SPATA31E1: variants seen among roughly 807,000 people sequenced by gnomAD.
SPATA31E1 encodes spermatogenesis-associated protein 31E1.
In SPATA31E1, 7 loss-of-function variants were observed where a neutral mutation model predicts 12.9. The observed-to-expected ratio is 0.54, with a 90% CI of 0.31 to 1.02. SPATA31E1 has a LOEUF of 1.02. SPATA31E1 is among the 50% of genes least tolerant of loss of function. The pLI is 0.05. For synonymous variants in SPATA31E1, 771 were observed against 719.0 expected (o/e 1.07, Z -1.16); for missense variants, 1,961 against 1,799.8 (o/e 1.09, Z -1.62).
At position 87,887,792 on chromosome 9, in the gene SPATA31E1, T is replaced by C; in HGVS notation, c.3305T>C (p.Leu1102Pro). 6.2e-7 allele frequency: 1 copy of C among 1,613,922 alleles called. No homozygotes were observed. The highest frequency in any genetic ancestry group is 8.5e-7 in the Non-Finnish European group (1 of 1,179,996). ...GCGCAGGTGGTCAGTGAGATTGCGC[T>C]CATAGTGCAGGTGGACTCAGAGGAG... ...LKAQVVSEIA[L>P]IVQVDSEEQL... Residue 1102 changes from leucine (L) to proline (P), a missense_variant, in exon 4 of 4, where the codon CTC (leucine) becomes CCC (proline). Leu to Pro is a moderately conservative substitution (Grantham distance 98). Coordinates refer to ENST00000325643, the MANE Select transcript of SPATA31E1 (RefSeq NM_178828.5).
chr9:87,888,547 A>G lies in SPATA31E1; in HGVS notation c.4060A>G (p.Asn1354Asp), dbSNP rs776928396. ...RHKGDFRAQE[N>D]VPSCCHRGHC... ...CAAAGGTGACTTCCGCGCCCAGGAGAATGTGCCTTCCTGCTGCCACAGGGG... is the reference window on the plus strand; with the variant it reads ...CAAAGGTGACTTCCGCGCCCAGGAGGATGTGCCTTCCTGCTGCCACAGGGG... Residue 1354 changes from asparagine to aspartate, a missense_variant, in exon 4 of 4, where the codon AAT (asparagine) becomes GAT (aspartate). Asn to Asp is a conservative substitution (Grantham distance 23, BLOSUM62 1). Coordinates refer to ENST00000325643, the MANE Select transcript of SPATA31E1 (RefSeq NM_178828.5). 2 of 1,614,016 alleles carry G rather than the reference A, an allele frequency of 1.2e-6. No homozygotes were observed. Among genetic ancestry groups the G allele is most frequent in the Non-Finnish European group, 1.7e-6 (2 of 1,180,028 alleles).
At position 87,885,328 on chromosome 9, in the gene SPATA31E1, C is replaced by T. The variant is rs773343078; in HGVS notation, c.841C>T (p.Leu281=). 1.4e-5 allele frequency: 22 copies of T among 1,613,846 alleles called. No homozygotes were observed. The highest frequency in any genetic ancestry group is 1.7e-5 in the Non-Finnish European group (20 of 1,179,906). ...ATGCCCCGTCCCCCAGAGCTCCCCT[C>T]TACACAACCAGGTGCTGCCTCCTCC... ...TTCPVPQSSP[L]HNQVLPPPTR... is the part of the protein sequence containing the mutation. The change falls in exon 4 of 4, where the codon CTA becomes TTA. Residue 281 remains leucine (L), a synonymous_variant. Transcript: ENST00000325643.
rs138857078 is a variant in SPATA31E1 at position 87,888,648 on chromosome 9, C to G, written c.4161C>G (p.His1387Gln). The change falls in exon 4 of 4, where the codon CAC becomes CAG. Residue 1387 changes from histidine to glutamine, a missense_variant. Coordinates refer to ENST00000325643, the MANE Select transcript of SPATA31E1 (RefSeq NM_178828.5). ...CSPKATPKGH[H>Q]CPVKNRGIRD... Reference sequence around the variant, plus strand: ...CTAAAGCCACCCCCAAGGGCCACCACTGTCCTGTCAAAAACAGGGGCATCA... The same window carrying G: ...CTAAAGCCACCCCCAAGGGCCACCAGTGTCCTGTCAAAAACAGGGGCATCA... 183 of 1,614,152 alleles carry G rather than the reference C, an allele frequency of 1.1e-4. No individual in the cohort carries two copies. The highest frequency in any genetic ancestry group is 1.5e-4 in the Non-Finnish European group (175 of 1,180,034).
At position 87,887,264 on chromosome 9, in the gene SPATA31E1, A is replaced by AGCAGGAGGGAGTCCAGAGGCCAG. The variant is rs781119549; in HGVS notation, c.2798_2799insAGGCAGGAGGGAGTCCAGAGGCC (p.Pro934GlyfsTer61). On this transcript the variant is annotated frameshift_variant, in exon 4 of 4. Coordinates refer to ENST00000325643, the MANE Select transcript of SPATA31E1 (RefSeq NM_178828.5). LOFTEE classifies it low-confidence loss of function (END_TRUNC). ...GGCCCTCTCGCTGCCCCACCGCCTG[A>AGCAGGAGGGAGTCCAGAGGCCAG]GCAGGAGGGAGTCCAGAGGCCCCCG... 27 of 1,613,922 alleles carry AGCAGGAGGGAGTCCAGAGGCCAG rather than the reference A, an allele frequency of 1.7e-5. No homozygotes were observed. The South Asian group carries it at 2.5e-4, about 15-fold the overall frequency.
At position 87,885,266 on chromosome 9, in the gene SPATA31E1, A is replaced by T. The variant is rs1370641443; in HGVS notation, c.779A>T (p.Asp260Val). 6 of 1,612,844 alleles carry T rather than the reference A, an allele frequency of 3.7e-6. No homozygotes were observed. The highest frequency in any genetic ancestry group is 5.1e-6 in the Non-Finnish European group (6 of 1,179,738). ...GPLASSPPPP[D>V]SSLAGLQCGS... Reference sequence around the variant, plus strand: ...CTGGCCTCCTCTCCACCTCCACCCGACTCCAGCCTGGCTGGACTTCAGTGT... The same window carrying T: ...CTGGCCTCCTCTCCACCTCCACCCGTCTCCAGCCTGGCTGGACTTCAGTGT... The change falls in exon 4 of 4, where the codon GAC (aspartate) becomes GTC (valine). Residue 260 changes from aspartate (D) to valine (V), a missense_variant. Coordinates refer to ENST00000325643, the MANE Select transcript of SPATA31E1 (RefSeq NM_178828.5).
In SPATA31E1 at chr9:87,885,690, G is replaced by T. The variant is rs556963122; in HGVS notation, c.1203G>T (p.Thr401=). Residue 401 remains threonine, a synonymous_variant, in exon 4 of 4, where the codon ACG becomes ACT. Coordinates refer to ENST00000325643, the MANE Select transcript of SPATA31E1 (RefSeq NM_178828.5). ...CACTGGGGAAGGAGTGGGACATCAC[G>T]ACCCTAAATCCCTTCTGGAACGTGT... ...MTSLGKEWDI[T]TLNPFWNVST... 2 of 1,613,602 alleles carry T rather than the reference G, an allele frequency of 1.2e-6. No individual in the cohort carries two copies. Among genetic ancestry groups the T allele is most frequent in the Non-Finnish European group, 1.7e-6 (2 of 1,180,012 alleles).
intron 2 of SPATA31E1, 85 bp from the exon 3 acceptor site, chr9:87,884,506 T>A: frequency 7.1e-7 from 1 of 1,404,098 alleles, no homozygotes; most frequent in Non-Finnish European, 1.0e-6. Flanking sequence ...TCCCCCATGG[T>A]GTCCCCTAAA....
chr9:87,887,781 T>C lies in SPATA31E1; in HGVS notation c.3294T>C (p.Ser1098=), dbSNP rs1047789019. The change falls in exon 4 of 4, where the codon AGT becomes AGC. Residue 1098 remains serine, a synonymous_variant. Coordinates refer to ENST00000325643, the MANE Select transcript of SPATA31E1 (RefSeq NM_178828.5). ...TGCACCTGAAAGCGCAGGTGGTCAG[T>C]GAGATTGCGCTCATAGTGCAGGTGG... ...EQLHLKAQVV[S]EIALIVQVDS... The C allele has an allele frequency of 1.2e-5, 19 of 1,613,454 alleles. No individual in the cohort carries two copies. The highest frequency in any genetic ancestry group is 4.0e-5 in the African/African-American group (3 of 74,916).
intron 3 of SPATA31E1, 63 bp from the exon 4 acceptor site, chr9:87,884,850 C>A (rs952285898): frequency 5.9e-6 from 9 of 1,535,594 alleles, no homozygotes; most frequent in Non-Finnish European, 7.0e-6. Context: ...CAGGTGCCCA[C>A]CCGTCCCAGC....
At position 87,886,311 on chromosome 9, in the gene SPATA31E1, C is replaced by G. The variant is rs1478262242; in HGVS notation, c.1824C>G (p.Ser608Arg). The G allele has an allele frequency of 1.9e-6, 3 of 1,613,632 alleles. No individual in the cohort carries two copies. Among genetic ancestry groups the G allele is most frequent in the Non-Finnish European group, 2.5e-6 (3 of 1,179,998 alleles). Reference sequence around the variant, plus strand: ...CCCAAGAGAGGCCGGCCTCCTGGAGCCCCAAGTCAGCCCCCATCCTTCCCG... The same window carrying G: ...CCCAAGAGAGGCCGGCCTCCTGGAGGCCCAAGTCAGCCCCCATCCTTCCCG... ...HLPQERPASW[S>R]PKSAPILPGV... The change falls in exon 4 of 4, where the codon AGC becomes AGG. Residue 608 changes from serine (S) to arginine (R), a missense_variant. Coordinates refer to ENST00000325643, the MANE Select transcript of SPATA31E1 (RefSeq NM_178828.5).
intron 2 of SPATA31E1, 124 bp downstream of exon 2, chr9:87,884,170 T>C: frequency 8.0e-7 from 1 of 1,242,994 alleles, no homozygotes; most frequent in Non-Finnish European, 1.1e-6. Context: ...TGCGGCCTCC[T>C]CAGATTCCCT....
At chr9:87,884,832 G>T (rs1013639248) in intron 3 of SPATA31E1, 81 bp from the exon 4 acceptor site, 1 of 1,495,672 alleles carries the variant, frequency 6.7e-7, no homozygotes, top group Non-Finnish European at 9.0e-7. Flanking sequence ...TGGAGGAACC[G>T]GGGGCCCCAG....
rs1828257193 is a variant in SPATA31E1, at chr9:87,885,701, C to T, written c.1214C>T (p.Pro405Leu). The T allele has an allele frequency of 6.2e-7, 1 of 1,613,732 alleles. No homozygotes were observed. Among genetic ancestry groups the T allele is most frequent in the East Asian group, 2.2e-5 (1 of 44,874 alleles). Residue 405 changes from proline to leucine, a missense_variant, in exon 4 of 4, where the codon CCC becomes CTC. Physicochemically the swap from Pro to Leu is moderately conservative, Grantham distance 98. Coordinates refer to ENST00000325643, the MANE Select transcript of SPATA31E1 (RefSeq NM_178828.5). Reference sequence around the variant, plus strand: ...GAGTGGGACATCACGACCCTAAATCCCTTCTGGAACGTGTCAACCCAGCCA... The same window carrying T: ...GAGTGGGACATCACGACCCTAAATCTCTTCTGGAACGTGTCAACCCAGCCA... The part of the protein sequence containing the change: ...GKEWDITTLN[P>L]FWNVSTQPQQ...
chr9:87,885,485 A>G lies in SPATA31E1; in HGVS notation c.998A>G (p.Asp333Gly), dbSNP rs367648174. 42 of 1,613,900 alleles carry G rather than the reference A, an allele frequency of 2.6e-5. No homozygotes were observed. The highest frequency in any genetic ancestry group is 5.3e-5 in the African/African-American group (4 of 74,884). Reference sequence around the variant, plus strand: ...AAATCCCAGCCACGGCATCTTCCCGACCACACCTCAGAGGCTTCCTTCTGG... The same window carrying G: ...AAATCCCAGCCACGGCATCTTCCCGGCCACACCTCAGAGGCTTCCTTCTGG... The part of the protein sequence containing the change: ...HGKSQPRHLP[D>G]HTSEASFWGD... Residue 333 changes from aspartate (D) to glycine (G), a missense_variant, in exon 4 of 4, where the codon GAC becomes GGC. Physicochemically the swap from Asp to Gly is moderately conservative, Grantham distance 94. Coordinates refer to ENST00000325643, the MANE Select transcript of SPATA31E1 (RefSeq NM_178828.5).
At chr9:87,883,897 A>G (rs1828213306) in intron 1 of SPATA31E1, 95 bp from the exon 2 acceptor site, 2 of 1,347,690 alleles carry the variant, frequency 1.5e-6, no homozygotes, top group Non-Finnish European at 2.1e-6. Flanking sequence ...AGAGGCTGAG[A>G]GCCGTGTCCC....
intron 2 of SPATA31E1, 60 bp downstream of exon 2, chr9:87,884,106 G>A: frequency 6.4e-7 from 1 of 1,551,704 alleles, no homozygotes; most frequent in Non-Finnish European, 8.7e-7. Flanking sequence ...CTGTCCCTGA[G>A]GAAGTCATTT....
chr9:87,885,661 A>T lies in SPATA31E1; in HGVS notation c.1174A>T (p.Thr392Ser). The T allele has an allele frequency of 6.2e-7, 1 of 1,613,810 alleles. No individual in the cohort carries two copies. The highest frequency in any genetic ancestry group is 8.5e-7 in the Non-Finnish European group (1 of 1,180,012). The change falls in exon 4 of 4, where the codon ACA becomes TCA. Residue 392 changes from threonine (T) to serine (S), a missense_variant. Transcript: ENST00000325643. The part of the protein sequence containing the change: ...ERKRADHPHM[T>S]SLGKEWDITT... ...AAAACGGGCCGACCACCCGCACATGACATCACTGGGGAAGGAGTGGGACAT... is the reference window on the plus strand; with the variant it reads ...AAAACGGGCCGACCACCCGCACATGTCATCACTGGGGAAGGAGTGGGACAT...
intron 1 of SPATA31E1, among the ~76,000 whole-genome samples, chr9:87,883,434 G>A (rs1828205299): frequency 6.6e-6 from 1 of 152,118 alleles, no homozygotes; most frequent in South Asian, 2.1e-4. Context: ...CAGTGGCAAG[G>A]ACCGGGTCAG....
chr9:87,883,973 A>C lies in SPATA31E1; in HGVS notation c.310-19A>C. 3 of 1,600,650 alleles carry C rather than the reference A, an allele frequency of 1.9e-6. No individual in the cohort carries two copies. Among genetic ancestry groups the C allele is most frequent in the Non-Finnish European group, 2.6e-6 (3 of 1,172,496 alleles). On this transcript the variant is annotated intron_variant, in intron 1 of 3. Transcript: ENST00000325643. The stretch of plus-strand genomic sequence containing the variant: ...GACTGAGAACTGGTCCCAGCCCCTC[A>C]TCCTTTCTTGCCTCTCAGCCTCAAA...
Sources: allele counts gnomAD v4.1 joint callset (sites outside exome capture counted in the v4.1 genomes callset), GRCh38; gene constraint gnomAD v4.1.1; transcripts MANE v1.5; gene names NCBI Gene and HGNC (gene_info 2026-07-23, HGNC 2026-07-21).